The following CLCN1 variants were observed in gnomAD, a reference collection of about 807,000 sequenced individuals.
The protein encoded by CLCN1 is chloride voltage-gated channel 1.
A neutral mutation model predicts 114.5 loss-of-function variants in CLCN1; 100 were observed. That is an observed-to-expected ratio of 0.87 (90% confidence interval 0.74 to 1.03). The LOEUF is 1.03. Among genes scored for constraint, CLCN1 ranks in the 50% least tolerant of loss-of-function variants. The pLI, the probability that CLCN1 is intolerant of heterozygous loss-of-function variation, is 0.00. For missense variants in CLCN1, 1,188 were observed against 1,250.0 expected (o/e 0.95, Z 0.75); for synonymous variants, 485 against 487.1 (o/e 1.00, Z 0.06).
chr7:143,347,035 GTCATGAAATAGA>G, intron 20 of CLCN1, 86 bp downstream of exon 20: 1 of 1,178,870 alleles, frequency 8.5e-7, no homozygotes, highest in South Asian at 1.2e-5. Context: ...TTATTGTGTT[GTCATGAAATAGA>G]ATGTGGTCTG....
intron 7 of CLCN1, among the ~76,000 whole-genome samples, chr7:143,329,049 C>T (rs1401066371): frequency 6.6e-6 from 1 of 151,494 alleles, no homozygotes; most frequent in Non-Finnish European, 1.5e-5. Context: ...CTCACTGCAA[C>T]CTGCGTCTCC....
intron 15 of CLCN1, 97 bp downstream of exon 15, chr7:143,342,239 T>G (rs1563084897): frequency 6.7e-7 from 1 of 1,484,436 alleles, no homozygotes; most frequent in East Asian, 2.3e-5. Context: ...GGAAACACTG[T>G]TTTAAATTAT....
chr7:143,319,993 C>CT, intron 2 of CLCN1, 118 bp downstream of exon 2: 1 of 1,110,916 alleles, frequency 9.0e-7, no homozygotes, highest in South Asian at 1.3e-5. Context: ...AAACTCTCCT[C>CT]TAATTGTTTT....
chr7:143,332,762 C>T lies in CLCN1; in HGVS notation c.1290C>T (p.Asn430=). Reference sequence around the variant, plus strand: ...AAGCCATCAGTACTTTGTTTGACAACAATACATGGGTGAAACACGCGGGTG... The same window carrying T: ...AAGCCATCAGTACTTTGTTTGACAATAATACATGGGTGAAACACGCGGGTG... The part of the protein sequence containing the change: ...PREAISTLFD[N]NTWVKHAGDP... The change falls in exon 12 of 23, where the codon AAC becomes AAT. Residue 430 remains asparagine, a synonymous_variant. Coordinates refer to ENST00000343257, the MANE Select transcript of CLCN1 (RefSeq NM_000083.3). 1.1e-5 allele frequency: 18 copies of T among 1,614,224 alleles called. No homozygotes were observed. Among genetic ancestry groups the T allele is most frequent in the Non-Finnish European group, 1.4e-5 (16 of 1,180,034 alleles).
rs1803003610 is a variant in CLCN1 at position 143,339,054 on chromosome 7, T to C, written c.1402-199T>C. 6.6e-6 allele frequency among the ~76,000 whole-genome samples: 1 copy of C among 152,182 alleles called. No individual in the cohort carries two copies. The highest frequency in any genetic ancestry group is 6.5e-5 in the Admixed American group (1 of 15,280). Reference sequence around the variant, plus strand: ...CTAGCCATCTAGAGGAACCTTCTGATAGTATTGTCTTTGGTGATCTCTTAG... The same window carrying C: ...CTAGCCATCTAGAGGAACCTTCTGACAGTATTGTCTTTGGTGATCTCTTAG... On this transcript the variant is annotated intron_variant, in intron 12 of 22. Transcript: ENST00000343257. The surrounding 1 kb of genome is among the most constrained non-coding windows in gnomAD (Gnocchi z 4.1).
chr7:143,339,498 A>G lies in CLCN1; in HGVS notation c.1472-13A>G, dbSNP rs368967487. On this transcript the variant is annotated splice_polypyrimidine_tract_variant and intron_variant, in intron 13 of 22. Transcript: ENST00000343257. The surrounding 1 kb of genome is among the most constrained non-coding windows in gnomAD (Gnocchi z 4.1). ...ATCTCGTAACACCTTCCTTCCTTTTATCTTCCCTCTAGGAGCTGCATTTGG... is the reference window on the plus strand; with the variant it reads ...ATCTCGTAACACCTTCCTTCCTTTTGTCTTCCCTCTAGGAGCTGCATTTGG... 1 of 1,594,208 alleles carries G rather than the reference A, an allele frequency of 6.3e-7. No homozygotes were observed.
chr7:143,343,390 A>G (rs900611220), intron 16 of CLCN1, among the ~76,000 whole-genome samples: 6 of 152,262 alleles, frequency 3.9e-5, no homozygotes, highest in African/African-American at 1.4e-4. Flanking sequence ...CCTGTTTACA[A>G]TGTGAAAGCT....
At chr7:143,340,358 G>A (rs980203480) in intron 14 of CLCN1, among the ~76,000 whole-genome samples, 1 of 152,120 alleles carries the variant, frequency 6.6e-6, no homozygotes. Flanking sequence ...TGGTACACAT[G>A]CCTCCCTTGT....
intron 7 of CLCN1, among the ~76,000 whole-genome samples, chr7:143,328,298 G>T (rs1489017941): frequency 1.3e-5 from 2 of 152,162 alleles, no homozygotes; most frequent in Admixed American, 1.3e-4. Context: ...AGGAGCAGGA[G>T]ACCAAGGACA....
rs536422438 is a variant in CLCN1, at chr7:143,349,942, A to G, written c.2404-430A>G. On this transcript the variant is annotated intron_variant, in intron 20 of 22. Coordinates refer to ENST00000343257, the MANE Select transcript of CLCN1 (RefSeq NM_000083.3). ...GTACACTGCAGGGAGAGGGTAGGGCAGGTAAAGGAACTCCAGATGGTCAGA... is the reference window on the plus strand; with the variant it reads ...GTACACTGCAGGGAGAGGGTAGGGCGGGTAAAGGAACTCCAGATGGTCAGA... 2.6e-5 allele frequency among the ~76,000 whole-genome samples: 4 copies of G among 152,328 alleles called. No individual in the cohort carries two copies. In the East Asian group the frequency reaches 7.7e-4, roughly 29 times the overall value.
At chr7:143,338,449 C>T (rs756144018) in intron 12 of CLCN1, among the ~76,000 whole-genome samples, 39 of 152,224 alleles carry the variant, frequency 2.6e-4, no homozygotes, top group Middle Eastern at 3.4e-3. Flanking sequence ...CTCAATTAAT[C>T]ACACAATAAG....
rs886062033 is a variant in CLCN1, at chr7:143,319,789, G to C, written c.215G>C (p.Arg72Thr). ...CATCACAAAGAACAATTCTCAGACAGGGAGCAGGACATAGGGATGCCCAAG... is the reference window on the plus strand; with the variant it reads ...CATCACAAAGAACAATTCTCAGACACGGAGCAGGACATAGGGATGCCCAAG... ...YGHHKEQFSDREQDIGMPKKT... is the reference protein window; with the variant it reads ...YGHHKEQFSDTEQDIGMPKKT... The change falls in exon 2 of 23, where the codon AGG becomes ACG. Residue 72 changes from arginine (R) to threonine (T), a missense_variant. By Grantham distance (71) the Arg-to-Thr change is moderately conservative (BLOSUM62 -1). Coordinates refer to ENST00000343257, the MANE Select transcript of CLCN1 (RefSeq NM_000083.3). 8 of 1,613,800 alleles carry C rather than the reference G, an allele frequency of 5.0e-6. No individual in the cohort carries two copies. Among genetic ancestry groups the C allele is most frequent in the Non-Finnish European group, 6.8e-6 (8 of 1,179,684 alleles).
intron 12 of CLCN1, among the ~76,000 whole-genome samples, chr7:143,334,956 G>A (rs1055719779): frequency 2.0e-5 from 3 of 152,132 alleles, no homozygotes; most frequent in Non-Finnish European, 4.4e-5. Context: ...TAGTTGTTGA[G>A]TACACAAACC....
At position 143,323,514 on chromosome 7, in the gene CLCN1, C is replaced by T. The variant is rs1802500060; in HGVS notation, c.774+128C>T. The T allele has an allele frequency of 9.2e-6, 7 of 759,306 alleles. No individual in the cohort carries two copies. In the South Asian group the frequency reaches 9.9e-5, roughly 11 times the overall value. 47.0% of individuals were successfully genotyped at this position (759,306 alleles called of 1,614,324 possible). ...GTGCTGAAGCAGCATCGCACTAATC[C>T]ACGCTCCCTTCCTCGTCTCCCTGTC... On this transcript the variant is annotated intron_variant, in intron 6 of 22. Coordinates refer to ENST00000343257, the MANE Select transcript of CLCN1 (RefSeq NM_000083.3).
intron 20 of CLCN1, among the ~76,000 whole-genome samples, chr7:143,349,169 A>C (rs1803329856): frequency 6.6e-6 from 1 of 152,220 alleles, no homozygotes; most frequent in Non-Finnish European, 1.5e-5. Context: ...GGATGGACCA[A>C]ACCATGGTTG....
rs1586507777 is a variant in CLCN1 at position 143,339,440 on chromosome 7, A to G, written c.1472-71A>G. ...ATTTGTTCTTAATGCCCAAGGAGAG[A>G]TTGGTTCTGAAAACTGAGAGCAAGG... On this transcript the variant is annotated intron_variant, in intron 13 of 22. Transcript: ENST00000343257. The surrounding 1 kb of genome is among the most constrained non-coding windows in gnomAD (Gnocchi z 4.1). The G allele has an allele frequency of 5.7e-6, 8 of 1,394,820 alleles. No individual in the cohort carries two copies. The East Asian group carries it at 1.6e-4, about 28-fold the overall frequency. The allele number at this position is 1,394,820 out of a possible 1,614,324, so 86.4% of individuals were successfully genotyped here.
At chr7:143,328,212 C>T (rs567818170) in intron 7 of CLCN1, among the ~76,000 whole-genome samples, 2 of 139,084 alleles carry the variant, frequency 1.4e-5, no homozygotes, top group African/African-American at 5.3e-5. Flanking sequence ...CATGGCTTTG[C>T]TAATCAGCAG....
Position 143,316,225 on chromosome 7 carries a change from C to A in CLCN1, c.13C>A (p.Arg5=). ...GGGGGGAGGGAATATGGAGCAATCC[C>A]GGTCACAGCAGCGTGGGGGTGAACA... MEQS[R]SQQRGGEQSW... is the part of the protein sequence containing the mutation. Residue 5 remains arginine (R), a synonymous_variant, in exon 1 of 23, where the codon CGG becomes AGG. Transcript: ENST00000343257. The A allele has an allele frequency of 1.2e-6, 2 of 1,613,102 alleles. No homozygotes were observed. The highest frequency in any genetic ancestry group is 1.7e-6 in the Non-Finnish European group (2 of 1,179,474).
intron 19 of CLCN1, 92 bp downstream of exon 19, chr7:143,346,750 C>A: frequency 3.2e-6 from 4 of 1,262,152 alleles, no homozygotes; most frequent in East Asian, 2.3e-5. Flanking sequence ...AAGGCAGAGA[C>A]CCCACCAAGG....
Sources: gnomAD v4.1 joint callset for allele counts (sites outside exome capture counted in the v4.1 genomes callset) on GRCh38, gnomAD v4.1.1 for gene constraint, Gnocchi (gnomAD v3.1) non-coding constraint, MANE v1.5 for transcripts, NCBI Gene and HGNC (gene_info 2026-07-23, HGNC 2026-07-21) for gene names.